The following CPSF2 variants were observed in gnomAD, a reference collection of about 807,000 sequenced individuals.
CPSF2 encodes cleavage and polyadenylation specificity factor subunit 2.
Under a neutral mutation model 84.2 loss-of-function variants are expected in CPSF2, and 51 were observed. The ratio of observed to expected loss-of-function variants is 0.61; its 90% CI spans 0.48 to 0.77. CPSF2 has a LOEUF of 0.77. Among genes scored for constraint, CPSF2 ranks in the 30% least tolerant of loss-of-function variants. The pLI is 0.00. For missense variants in CPSF2, 641 were observed against 929.4 expected, an observed-to-expected ratio of 0.69 and a Z score of 4.03; for synonymous variants, 286 against 311.9, an observed-to-expected ratio of 0.92 and a Z score of 0.87.
intron 9 of CPSF2, among the ~76,000 whole-genome samples, 179 bp downstream of exon 9, chr14:92,143,473 C>T (rs892225346): frequency 7.2e-5 from 11 of 151,946 alleles, no homozygotes; most frequent in African/African-American, 1.5e-4. Flanking sequence ...GAGGCTGAGG[C>T]GGAAGGACCA....
rs1336986055 is a variant in CPSF2 at position 92,167,418 on chromosome 14, GGGA to G, written c.*5675_*5677del. On this transcript the variant is annotated 3_prime_UTR_variant, in exon 16 of 16. Coordinates refer to ENST00000298875, the MANE Select transcript of CPSF2 (RefSeq NM_017437.3). ...GAGTCTTTTAATGTTAGTGCTGAAA[GGGA>G]CTAGAGAGCTCATCTAATTCAACCC... is the stretch of plus-strand genomic sequence containing the variant. 10 of 152,152 alleles carry G rather than the reference GGGA, an allele frequency of 6.6e-5. No homozygotes were observed. 9.4% of individuals were successfully genotyped at this position (152,152 alleles called of 1,614,324 possible).
At chr14:92,133,439 A>G (rs1170275437) in intron 3 of CPSF2, among the ~76,000 whole-genome samples, 2 of 104,746 alleles carry the variant, frequency 1.9e-5, no homozygotes, top group African/African-American at 4.6e-5. Flanking sequence ...AAATCAAGTT[A>G]CTTGTGTCTA....
chr14:92,126,102 G>A lies in CPSF2; in HGVS notation c.-93-20G>A, dbSNP rs1025370242. On this transcript the variant is annotated intron_variant, in intron 1 of 15. Transcript: ENST00000298875. ...TGAAATCATAATACCACATTCATAA[G>A]GCTTTTATTTATTTTTTAGATTAAT... 1.3e-4 allele frequency: 20 copies of A among 152,178 alleles called. No individual in the cohort carries two copies. Among genetic ancestry groups the A allele is most frequent in the Non-Finnish European group, 2.9e-4 (20 of 68,002 alleles). The allele number at this position is 152,178 out of a possible 1,614,324, so 9.4% of individuals were successfully genotyped here. A position where few individuals can be genotyped will look rare whatever the true frequency, so the allele number is the denominator to read the frequency against.
chr14:92,134,796 A>C (rs567440918), intron 5 of CPSF2, among the ~76,000 whole-genome samples: 1 of 152,304 alleles, frequency 6.6e-6, no homozygotes, highest in Admixed American at 6.5e-5. Flanking sequence ...GAAGTCCTAT[A>C]CTAAGTCTAT....
In CPSF2 at chr14:92,169,297, TTG is replaced by T. The variant is rs1461526760; in HGVS notation, c.*7555_*7556del. The T allele has an allele frequency of 6.6e-6, 1 of 152,230 alleles. No individual in the cohort carries two copies. Among genetic ancestry groups the T allele is most frequent in the Non-Finnish European group, 1.5e-5 (1 of 68,048 alleles). 9.4% of individuals were successfully genotyped at this position (152,230 alleles called of 1,614,324 possible). A position where few individuals can be genotyped will look rare whatever the true frequency, so the allele number is the denominator to read the frequency against. On this transcript the variant is annotated 3_prime_UTR_variant, in exon 16 of 16. Transcript: ENST00000298875. ...TCTCAGCCTCATGTGGCATTGCCACTTGTTACTACATGACCCCCCCACACCCC... is the reference window on the plus strand; with the variant it reads ...TCTCAGCCTCATGTGGCATTGCCACTTTACTACATGACCCCCCCACACCCC...
At chr14:92,152,986 A>G (rs1285972507) in intron 9 of CPSF2, among the ~76,000 whole-genome samples, 2 of 148,784 alleles carry the variant, frequency 1.3e-5, no homozygotes, top group Non-Finnish European at 3.0e-5. Flanking sequence ...CAATGTACGA[A>G]TGTACTTTTT....
chr14:92,144,050 C>T (rs932438933), intron 9 of CPSF2, among the ~76,000 whole-genome samples: 3 of 152,096 alleles, frequency 2.0e-5, no homozygotes, highest in Non-Finnish European at 2.9e-5. Context: ...ACACGTCTTC[C>T]TTGTTCTGTA....
In CPSF2 at chr14:92,171,541, T is replaced by C. The variant is rs1271614382; in HGVS notation, c.*9797T>C. On this transcript the variant is annotated 3_prime_UTR_variant, in exon 16 of 16. Coordinates refer to ENST00000298875, the MANE Select transcript of CPSF2 (RefSeq NM_017437.3). ...GATGTTCCAGGCTCGTCTTCTATTT[T>C]CCCTACCCCGCTCCTGACATCAGCC... The C allele has an allele frequency of 1.3e-5, 2 of 152,262 alleles. No homozygotes were observed. Among genetic ancestry groups the C allele is most frequent in the East Asian group, 3.9e-4 (2 of 5,184 alleles). 9.4% of individuals were successfully genotyped at this position (152,262 alleles called of 1,614,324 possible).
chr14:92,125,746 G>T (rs1334318522), intron 1 of CPSF2, among the ~76,000 whole-genome samples: 1 of 151,980 alleles, frequency 6.6e-6, no homozygotes, highest in African/African-American at 2.4e-5. Flanking sequence ...ACTCAAAAGT[G>T]TAGAGATCTG....
chr14:92,143,885 G>T (rs1294552606), intron 9 of CPSF2, among the ~76,000 whole-genome samples: 1 of 152,092 alleles, frequency 6.6e-6, no homozygotes, highest in Non-Finnish European at 1.5e-5. Flanking sequence ...TTACCCAGAG[G>T]GTAAGCATAT....
At chr14:92,138,457 T>G (rs961014549) in intron 7 of CPSF2, 110 bp downstream of exon 7, 1 of 507,364 alleles carries the variant, frequency 2.0e-6, no homozygotes, top group African/African-American at 2.0e-5. Flanking sequence ...TGAGACGGAC[T>G]TTCGCTCTTT....
At position 92,162,703 on chromosome 14, in the gene CPSF2, G is replaced by A. The variant is rs2069391301; in HGVS notation, c.*959G>A. ...TAAAATAATACTGAAGTTGGATAAG[G>A]TTATCCTTTCTGTATTTGCGTCTTT... On this transcript the variant is annotated 3_prime_UTR_variant, in exon 16 of 16. Transcript: ENST00000298875. 6.6e-6 allele frequency: 1 copy of A among 152,086 alleles called. No homozygotes were observed. Among genetic ancestry groups the A allele is most frequent in the South Asian group, 2.1e-4 (1 of 4,818 alleles). The allele number at this position is 152,086 out of a possible 1,614,324, so 9.4% of individuals were successfully genotyped here.
chr14:92,129,809 G>A (rs190386368), intron 2 of CPSF2, among the ~76,000 whole-genome samples: 3 of 152,108 alleles, frequency 2.0e-5, no homozygotes, highest in East Asian at 1.9e-4. Context: ...GTCTAGTGGC[G>A]CACTCATAGC....
In CPSF2 at chr14:92,165,208, A is replaced by G. The variant is rs915721197; in HGVS notation, c.*3464A>G. On this transcript the variant is annotated 3_prime_UTR_variant, in exon 16 of 16. Transcript: ENST00000298875. ...TTTGAGTTGATTCCAAATTTTGGCTATTAAGAATGCTGCTCTGAACATTCA... is the reference window on the plus strand; with the variant it reads ...TTTGAGTTGATTCCAAATTTTGGCTGTTAAGAATGCTGCTCTGAACATTCA... 2.0e-5 allele frequency: 3 copies of G among 151,398 alleles called. No individual in the cohort carries two copies. The highest frequency in any genetic ancestry group is 7.3e-5 in the African/African-American group (3 of 41,244). 9.4% of individuals were successfully genotyped at this position (151,398 alleles called of 1,614,324 possible).
At chr14:92,159,409 A>G (rs1452272942) in intron 14 of CPSF2, 127 bp downstream of exon 14, 1 of 702,294 alleles carries the variant, frequency 1.4e-6, no homozygotes, top group African/African-American at 1.8e-5. Flanking sequence ...ATTTTTAACC[A>G]TTTAAAATAT....
chr14:92,130,828 C>T (rs2068914597), intron 2 of CPSF2, 123 bp from the exon 3 acceptor site: 1 of 601,892 alleles, frequency 1.7e-6, no homozygotes, highest in Admixed American at 4.1e-5. Context: ...GGCCTTTAAA[C>T]TGCTTTTCGT....
chr14:92,154,553 T>C, intron 10 of CPSF2, 95 bp downstream of exon 10: 1 of 831,088 alleles, frequency 1.2e-6, no homozygotes, highest in Non-Finnish European at 1.8e-6. Flanking sequence ...TTTTTAAATT[T>C]TCGTAAGACT....
chr14:92,158,960 C>T (rs763338005), intron 13 of CPSF2, 23 bp from the exon 14 acceptor site: 4 of 1,570,962 alleles, frequency 2.5e-6, no homozygotes, highest in Non-Finnish European at 3.5e-6. Context: ...TTTTATTTCT[C>T]TCCCCCTCCT....
rs997621670 is a variant in CPSF2, at chr14:92,169,066, T to A, written c.*7322T>A. On this transcript the variant is annotated 3_prime_UTR_variant, in exon 16 of 16. Coordinates refer to ENST00000298875, the MANE Select transcript of CPSF2 (RefSeq NM_017437.3). ...TATCCAATGTATCATAGGTGTTTTC[T>A]TTTTTCTCTGACAATTGTTATGTTA... 1.3e-4 allele frequency: 19 copies of A among 151,666 alleles called. No individual in the cohort carries two copies. Among genetic ancestry groups the A allele is most frequent in the African/African-American group, 4.6e-4 (19 of 41,472 alleles). 9.4% of individuals were successfully genotyped at this position (151,666 alleles called of 1,614,324 possible). A position where few individuals can be genotyped will look rare whatever the true frequency, so the allele number is the denominator to read the frequency against.
Sources: gnomAD v4.1 joint callset for allele counts (sites outside exome capture counted in the v4.1 genomes callset) on GRCh38, gnomAD v4.1.1 for gene constraint, MANE v1.5 for transcripts, NCBI Gene and HGNC (gene_info 2026-07-23, HGNC 2026-07-21) for gene names.